The following FMN2 variants were observed in gnomAD, a reference collection of about 807,000 sequenced individuals.
FMN2 encodes formin-2.
In FMN2, 51 loss-of-function variants were observed where a neutral mutation model predicts 142.3. The observed-to-expected ratio is 0.36, with a 90% confidence interval of 0.29 to 0.45. FMN2 has a LOEUF of 0.45. Among genes scored for constraint, FMN2 ranks in the 20% least tolerant of loss-of-function variants. The pLI, the probability that FMN2 is intolerant of heterozygous loss-of-function variation, is 1.00. For synonymous variants in FMN2, 882 were observed against 869.8 expected (o/e 1.01, Z -0.25); for missense variants, 1,936 against 2,122.8 (o/e 0.91, Z 1.73).
intron 6 of FMN2, among the ~76,000 whole-genome samples, chr1:240,228,309 AAAAAAAAAAAAAAAAAAAAAAAAG>A (rs1283288945): frequency 1.5e-5 from 1 of 66,338 alleles, no homozygotes; most frequent in Admixed American, 1.2e-4. Context: ...GTCTCAAAAA[AAAAAAAAAAAAAAAAAAAAAAAAG>A]AAAAAGAAAA....
At chr1:240,140,564 T>A (rs1663138200) in intron 2 of FMN2, among the ~76,000 whole-genome samples, 1 of 152,152 alleles carries the variant, frequency 6.6e-6, no homozygotes. Context: ...GGCCTGCTGT[T>A]TTCCTGAGAG....
intron 3 of FMN2, chr1:240,180,181 G>C (rs751245259): frequency 7.8e-7 from 1 of 1,280,752 alleles, no homozygotes; most frequent in South Asian, 1.3e-5. Flanking sequence ...GATGATGGAG[G>C]TAAGAAGTAA....
intron 10 of FMN2, 143 bp from the exon 11 acceptor site, chr1:240,330,460 A>G (rs1358020977): frequency 2.0e-5 from 16 of 799,018 alleles, no homozygotes; most frequent in Non-Finnish European, 3.1e-5. Context: ...TGCTCTTAAA[A>G]TATACCTAAT....
intron 1 of FMN2, among the ~76,000 whole-genome samples, chr1:240,111,640 GT>G (rs1661810496): frequency 1.3e-5 from 2 of 152,076 alleles, no homozygotes; most frequent in Admixed American, 1.3e-4. Context: ...ACTGCAATCT[GT>G]CTTATCAGCC....
chr1:240,361,156 T>A lies in FMN2; in HGVS notation c.4858+5248T>A, dbSNP rs1190760133. Among the ~76,000 whole-genome samples, 118 of 30,508 alleles carry A rather than the reference T, an allele frequency of 3.9e-3. 1 individual carries two copies. The African/African-American group carries it at 0.04, about 10-fold the overall frequency. 20.0% of individuals were successfully genotyped at this position (30,508 alleles called of 152,430 possible). ...AAATATATGTGTATATATATATATATATATATATATATATATATATATATA... is the reference window on the plus strand; with the variant it reads ...AAATATATGTGTATATATATATATAAATATATATATATATATATATATATA... On this transcript the variant is annotated intron_variant, in intron 14 of 17. Transcript: ENST00000319653.
intron 6 of FMN2, among the ~76,000 whole-genome samples, chr1:240,249,535 A>G (rs1310094438): frequency 5.9e-5 from 9 of 151,798 alleles, no homozygotes; most frequent in African/African-American, 1.7e-4. Flanking sequence ...GCAGTGTGAT[A>G]CCTCCAGCTT....
intron 14 of FMN2, among the ~76,000 whole-genome samples, chr1:240,368,658 TCTTTTTTCTTC>T (rs55848261): frequency 0.31 from 47,592 of 151,634 alleles, 8,486 homozygotes; most frequent in African/African-American, 0.5. Flanking sequence ...CTATGTAGTT[TCTTTTTTCTTC>T]CTTTTTTCTG....
At chr1:240,107,966 C>T (rs1661676294) in intron 1 of FMN2, among the ~76,000 whole-genome samples, 1 of 152,104 alleles carries the variant, frequency 6.6e-6, no homozygotes, top group Non-Finnish European at 1.5e-5. Context: ...CTCAGTTCAC[C>T]ACAGAGAACA....
chr1:240,313,567 G>GTA (rs1167718460), intron 8 of FMN2, among the ~76,000 whole-genome samples: 1 of 152,100 alleles, frequency 6.6e-6, no homozygotes, highest in Non-Finnish European at 1.5e-5. Flanking sequence ...TAAATTTGAA[G>GTA]TAGAGTTTTT....
chr1:240,204,724 C>T (rs572075455), intron 4 of FMN2, among the ~76,000 whole-genome samples: 33 of 152,120 alleles, frequency 2.2e-4, no homozygotes, highest in Non-Finnish European at 4.3e-4. Flanking sequence ...GCACTCCAGC[C>T]TGGGCGACAA....
At chr1:240,299,559 T>G (rs543242611) in intron 8 of FMN2, among the ~76,000 whole-genome samples, 1 of 152,190 alleles carries the variant, frequency 6.6e-6, no homozygotes, top group Non-Finnish European at 1.5e-5. Flanking sequence ...GATCCCGTTA[T>G]GTGTAATTTT....
intron 7 of FMN2, among the ~76,000 whole-genome samples, chr1:240,266,674 T>A (rs983636559): frequency 9.2e-5 from 14 of 152,074 alleles, no homozygotes; most frequent in African/African-American, 3.4e-4. Context: ...GATGAACATA[T>A]GAGTGCATGT....
At chr1:240,249,230 G>A (rs1428184030) in intron 6 of FMN2, among the ~76,000 whole-genome samples, 1 of 151,940 alleles carries the variant, frequency 6.6e-6, no homozygotes, top group East Asian at 1.9e-4. Context: ...TTATAGTTTC[G>A]AGTCTTGCCT....
In FMN2 at chr1:240,413,080, G is replaced by GCA. The variant is rs1674454513; in HGVS notation, c.4910+20519_4910+20520insAC. On this transcript the variant is annotated intron_variant, in intron 15 of 17. Transcript: ENST00000319653. ...AGAGCTTGCAGTGAGCCGAGATGGTGCCACTGCACTCCAGCCTGGGCGACA... is the reference window on the plus strand; with the variant it reads ...AGAGCTTGCAGTGAGCCGAGATGGTGCACCACTGCACTCCAGCCTGGGCGACA... 3.3e-5 allele frequency among the ~76,000 whole-genome samples: 4 copies of GCA among 120,388 alleles called. No homozygotes were observed. In the East Asian group the frequency reaches 1.2e-3, roughly 35 times the overall value. 79.0% of individuals were successfully genotyped at this position (120,388 alleles called of 152,430 possible).
intron 16 of FMN2, among the ~76,000 whole-genome samples, chr1:240,439,203 G>A (rs1346297650): frequency 6.7e-6 from 1 of 149,962 alleles, no homozygotes; most frequent in Non-Finnish European, 1.5e-5. Flanking sequence ...AACCTGGGAG[G>A]CGGAGGTTGC....
chr1:240,369,028 A>G (rs1486315571), intron 14 of FMN2, among the ~76,000 whole-genome samples: 3 of 151,988 alleles, frequency 2.0e-5, no homozygotes, highest in African/African-American at 7.3e-5. Flanking sequence ...CATTTCACAT[A>G]GGTACCGTGT....
chr1:240,448,314 A>G (rs12096679), intron 16 of FMN2, among the ~76,000 whole-genome samples: 48,320 of 152,092 alleles, frequency 0.32, 8,644 homozygotes, highest in African/African-American at 0.49. Context: ...CCACTTCACG[A>G]ACTCTAAGTC....
chr1:240,328,154 A>AAAAAAAAAAAAAAAAAT (rs1671243087), intron 8 of FMN2, among the ~76,000 whole-genome samples: 1 of 145,504 alleles, frequency 6.9e-6, no homozygotes, highest in Admixed American at 6.9e-5. Flanking sequence ...TCTCAAAAAA[A>AAAAAAAAAAAAAAAAAT]AAAAAAAAAA....
chr1:240,359,628 T>C (rs1158710909), intron 14 of FMN2, among the ~76,000 whole-genome samples: 1 of 152,232 alleles, frequency 6.6e-6, no homozygotes, highest in Non-Finnish European at 1.5e-5. Context: ...TTTCATGGTC[T>C]ATGTTTAAAC....
Sources: gnomAD v4.1 joint callset for allele counts (sites outside exome capture counted in the v4.1 genomes callset) on GRCh38, gnomAD v4.1.1 for gene constraint, MANE v1.5 for transcripts, NCBI Gene and HGNC (gene_info 2026-07-23, HGNC 2026-07-21) for gene names.